The following STPG2 variants were observed in gnomAD, a reference collection of about 807,000 sequenced individuals.
The protein encoded by STPG2 is sperm-tail PG-rich repeat-containing protein 2.
STPG2 carries 56 observed loss-of-function variants against 54.2 expected under a neutral mutation model. The ratio of observed to expected loss-of-function variants is 1.03; its 90% CI spans 0.83 to 1.29. The LOEUF is 1.29. Ranked by LOEUF, STPG2 falls within the 50% of genes most tolerant of loss-of-function variation. The probability of loss-of-function intolerance (pLI) is 0.00; values close to 1 mark genes in which losing one functional copy is unlikely to be tolerated. For missense variants in STPG2, 596 were observed against 544.9 expected (o/e 1.09, Z -0.93); for synonymous variants, 200 against 181.8 (o/e 1.10, Z -0.81).
At chr4:97,801,708 G>A (rs1008322490) in intron 9 of STPG2, among the ~76,000 whole-genome samples, 10 of 152,082 alleles carry the variant, frequency 6.6e-5, no homozygotes, top group African/African-American at 2.4e-4. Flanking sequence ...GGGGAAGGCA[G>A]TATGGGGATT....
intron 9 of STPG2, among the ~76,000 whole-genome samples, chr4:97,750,323 AG>A (rs1725547766): frequency 6.6e-6 from 1 of 151,858 alleles, no homozygotes; most frequent in Non-Finnish European, 1.5e-5. Flanking sequence ...TTAGCCCTCA[AG>A]AGAGGACACC....
At position 97,559,104 on chromosome 4, in the gene STPG2, T is replaced by C. The variant is rs139805225; in HGVS notation, c.1334A>G (p.Lys445Arg). 8.2e-5 allele frequency: 132 copies of C among 1,602,732 alleles called. No individual in the cohort carries two copies. In the African/African-American group the frequency reaches 1.1e-3, roughly 14 times the overall value. The change falls in exon 11 of 11, where the codon AAA becomes AGA. Residue 445 changes from lysine to arginine, a missense_variant. Transcript: ENST00000295268. The stretch of plus-strand genomic sequence containing the variant: ...TTCACCAATGAGATTTCCTTTCTTT[T>C]TCTCCTGGGATATCTGTTTAATAAG... Reference protein sequence around the residue: ...GPATYEISQEKKKGNLIGEMA... With the variant: ...GPATYEISQERKKGNLIGEMA...
chr4:97,471,749 T>G (rs1218384906), intron 4 of STPG2, among the ~76,000 whole-genome samples: 14 of 152,158 alleles, frequency 9.2e-5, no homozygotes, highest in Admixed American at 9.2e-4. Context: ...AAACTTAATA[T>G]TCCAAGAAGA....
chr4:97,632,468 G>T (rs1167648290), intron 10 of STPG2, among the ~76,000 whole-genome samples: 1 of 151,966 alleles, frequency 6.6e-6, no homozygotes, highest in African/African-American at 2.4e-5. Context: ...AATGTGAGAA[G>T]AAATTCTAAT....
chr4:98,029,076 T>C (rs1736514885), intron 5 of STPG2, among the ~76,000 whole-genome samples: 2 of 152,136 alleles, frequency 1.3e-5, no homozygotes, highest in Non-Finnish European at 2.9e-5. Context: ...ACTTTAAATA[T>C]ATTAAAACTT....
At chr4:97,923,246 G>A (rs1169188982) in intron 8 of STPG2, among the ~76,000 whole-genome samples, 3 of 152,254 alleles carry the variant, frequency 2.0e-5, no homozygotes, top group African/African-American at 7.2e-5. Flanking sequence ...CTGCGGGGGG[G>A]TGTGGAGAGA....
intron 5 of STPG2, among the ~76,000 whole-genome samples, chr4:98,040,054 T>C (rs1316719965): frequency 6.6e-6 from 1 of 152,004 alleles, no homozygotes; most frequent in East Asian, 1.9e-4. Flanking sequence ...TAGTTTTGAT[T>C]TGCATTTCTC....
At chr4:98,092,134 C>A (rs1277867507) in intron 5 of STPG2, among the ~76,000 whole-genome samples, 1 of 152,024 alleles carries the variant, frequency 6.6e-6, no homozygotes, top group Non-Finnish European at 1.5e-5. Flanking sequence ...TAAGCAATAA[C>A]TAAATATTTT....
At chr4:97,654,587 T>G (rs956766486) in intron 10 of STPG2, among the ~76,000 whole-genome samples, 1 of 152,140 alleles carries the variant, frequency 6.6e-6, no homozygotes, top group Non-Finnish European at 1.5e-5. Flanking sequence ...ACCACATGTT[T>G]GTTCACTCAT....
chr4:98,054,973 A>G lies in STPG2; in HGVS notation c.612+50980T>C, dbSNP rs112213666. ...CTCTCCAGAAAAATGTATAGCTGTT[A>G]GCCCTTCACTCTCCAGAAATAGAGT... On this transcript the variant is annotated intron_variant, in intron 5 of 10. Coordinates refer to ENST00000295268, the MANE Select transcript of STPG2 (RefSeq NM_174952.3). Among the ~76,000 whole-genome samples the G allele has an allele frequency of 5.9e-3, 892 of 152,290 alleles. 6 individuals are homozygous for G. Among genetic ancestry groups the G allele is most frequent in the Middle Eastern group, 0.02 (6 of 294 alleles).
chr4:97,923,307 C>A (rs1188994839), intron 8 of STPG2, among the ~76,000 whole-genome samples: 8 of 151,902 alleles, frequency 5.3e-5, no homozygotes, highest in Non-Finnish European at 1.2e-4. Context: ...CTCCCACCCC[C>A]CCCGCCATGG....
At chr4:97,607,289 A>T (rs1260946789) in intron 10 of STPG2, among the ~76,000 whole-genome samples, 1 of 151,794 alleles carries the variant, frequency 6.6e-6, no homozygotes, top group African/African-American at 2.4e-5. Flanking sequence ...TTTTCTCTGC[A>T]ACTGTTTCTC....
chr4:97,635,113 G>T (rs1382158509), intron 10 of STPG2, among the ~76,000 whole-genome samples: 1 of 151,936 alleles, frequency 6.6e-6, no homozygotes, highest in Non-Finnish European at 1.5e-5. Context: ...ACCCTCAAAG[G>T]GAAGCCCATC....
At chr4:97,780,592 C>T (rs1726566179) in intron 9 of STPG2, among the ~76,000 whole-genome samples, 1 of 122,766 alleles carries the variant, frequency 8.1e-6, no homozygotes, top group Non-Finnish European at 1.7e-5. Context: ...TAATAGACAT[C>T]TGCAGAATGC....
chr4:97,692,676 A>G (rs1052002441), intron 10 of STPG2, among the ~76,000 whole-genome samples: 3 of 152,192 alleles, frequency 2.0e-5, no homozygotes, highest in African/African-American at 7.2e-5. Context: ...TAGACACTCA[A>G]CTACAAGAAG....
chr4:97,835,855 A>T (rs1412597754), intron 9 of STPG2, among the ~76,000 whole-genome samples: 1 of 152,058 alleles, frequency 6.6e-6, no homozygotes, highest in Non-Finnish European at 1.5e-5. Context: ...AAGATTTCAG[A>T]AGAGGAAATA....
intron 4 of STPG2, among the ~76,000 whole-genome samples, chr4:97,531,099 A>C (rs910323395): frequency 2.6e-5 from 4 of 152,230 alleles, no homozygotes; most frequent in Non-Finnish European, 5.9e-5. Context: ...GGTATATGAA[A>C]AGATGTTCAA....
intron 6 of STPG2, among the ~76,000 whole-genome samples, chr4:97,973,026 T>C (rs6811977): frequency 0.1 from 15,554 of 152,258 alleles, 1,033 homozygotes; most frequent in South Asian, 0.16. Context: ...GGCACTGCTG[T>C]AGATACCTGA....
intron 10 of STPG2, among the ~76,000 whole-genome samples, chr4:97,654,712 A>G (rs1722171050): frequency 6.6e-6 from 1 of 152,114 alleles, no homozygotes; most frequent in African/African-American, 2.4e-5. Flanking sequence ...AGAACACAAC[A>G]GGCAGTCAAT....
Sources: gnomAD v4.1 joint callset for allele counts (sites outside exome capture counted in the v4.1 genomes callset) on GRCh38, gnomAD v4.1.1 for gene constraint, MANE v1.5 for transcripts, NCBI Gene and HGNC (gene_info 2026-07-23, HGNC 2026-07-21) for gene names.